The following MINDY3 variants were observed in gnomAD, a reference collection of about 807,000 sequenced individuals.
MINDY3 encodes the protein MINDY lysine 48 deubiquitinase 3.
In MINDY3, 38 loss-of-function variants were observed where a neutral mutation model predicts 69.2. That is an observed-to-expected ratio of 0.55 (90% confidence interval 0.42 to 0.72). The LOEUF (loss-of-function observed/expected upper bound fraction) is 0.72. Among genes scored for constraint, MINDY3 ranks in the 30% least tolerant of loss-of-function variants. The pLI is 0.00. For missense variants in MINDY3, 522 were observed against 519.0 expected (o/e 1.01, Z -0.06); for synonymous variants, 192 against 180.1 (o/e 1.07, Z -0.53).
In MINDY3 at chr10:15,789,324, G is replaced by A. The variant is rs771265507; in HGVS notation, c.956-5C>T. 1 of 1,607,200 alleles carries A rather than the reference G, an allele frequency of 6.2e-7. No individual in the cohort carries two copies. Among genetic ancestry groups the A allele is most frequent in the Non-Finnish European group, 8.5e-7 (1 of 1,175,202 alleles). The stretch of plus-strand genomic sequence containing the variant: ...AATCGGGTATGAATCCATTATCTAG[G>A]GGGGAAAAAATCAGAAACAACTTGA... On this transcript the variant is annotated splice_region_variant and splice_polypyrimidine_tract_variant and intron_variant, in intron 11 of 14. Coordinates refer to ENST00000277632, the MANE Select transcript of MINDY3 (RefSeq NM_024948.4).
At chr10:15,786,520 C>A (rs1043668231) in intron 13 of MINDY3, 41 bp downstream of exon 13, 7 of 1,169,290 alleles carry the variant, frequency 6.0e-6, no homozygotes, top group Non-Finnish European at 8.9e-6. Flanking sequence ...GGTAATCATC[C>A]CAACAGAATA....
chr10:15,790,147 C>T (rs1227913626), intron 11 of MINDY3, among the ~76,000 whole-genome samples: 1 of 151,980 alleles, frequency 6.6e-6, no homozygotes, highest in Non-Finnish European at 1.5e-5. Context: ...GTCCAAAAGC[C>T]CTGCTCCTAT....
At chr10:15,784,904 G>A (rs1031125842) in intron 13 of MINDY3, among the ~76,000 whole-genome samples, 9 of 152,070 alleles carry the variant, frequency 5.9e-5, no homozygotes, top group Non-Finnish European at 7.4e-5. Flanking sequence ...CTATGACACC[G>A]AGGGCGTCTG....
chr10:15,797,745 T>A (rs967774654), intron 10 of MINDY3, among the ~76,000 whole-genome samples: 1 of 152,158 alleles, frequency 6.6e-6, no homozygotes, highest in African/African-American at 2.4e-5. Flanking sequence ...AATTAACTCT[T>A]ATGCCAAAGC....
intron 11 of MINDY3, 96 bp downstream of exon 11, chr10:15,796,004 T>G (rs1837791116): frequency 3.3e-6 from 3 of 920,964 alleles, no homozygotes; most frequent in Admixed American, 2.0e-5. Context: ...TTTCATTAAA[T>G]AATCCAATAT....
intron 1 of MINDY3, among the ~76,000 whole-genome samples, chr10:15,848,550 C>G (rs182657781): frequency 7.4e-6 from 1 of 134,852 alleles, no homozygotes. Context: ...CGAAGAATGG[C>G]GTGAACCTAG....
chr10:15,834,171 A>G (rs940352750), intron 7 of MINDY3, among the ~76,000 whole-genome samples: 6 of 151,962 alleles, frequency 3.9e-5, no homozygotes, highest in Admixed American at 6.6e-5. Flanking sequence ...AAGCTTGAGG[A>G]GGGTGGTCCG....
intron 10 of MINDY3, among the ~76,000 whole-genome samples, chr10:15,816,284 A>AAAAAAAAAAAAAAAAAAAAAAC (rs1839363560): frequency 7.1e-6 from 1 of 140,758 alleles, no homozygotes; most frequent in African/African-American, 3.2e-5. Flanking sequence ...AAAAAAATGA[A>AAAAAAAAAAAAAAAAAAAAAAC]AAAGAAAAAA....
At chr10:15,847,808 A>C (rs1388677379) in intron 2 of MINDY3, 56 bp downstream of exon 2, 1 of 1,246,816 alleles carries the variant, frequency 8.0e-7, no homozygotes, top group African/African-American at 1.5e-5. Context: ...GAAAACGACA[A>C]GTATGAAACG....
At chr10:15,780,101 CAT>C (rs1479671122) in intron 14 of MINDY3, among the ~76,000 whole-genome samples, 7 of 152,248 alleles carry the variant, frequency 4.6e-5, no homozygotes, top group South Asian at 2.1e-4. Flanking sequence ...GGCTGATACA[CAT>C]GAGTGTAATT....
Position 15,860,334 on chromosome 10 carries a change from G to C in MINDY3, c.-35C>G. On this transcript the variant is annotated 5_prime_UTR_variant, in exon 1 of 15. Transcript: ENST00000277632. ...CCGGCGGGCGGATCTTCGCTTTGCG[G>C]ACTCCTGCCCCGGAACATGGGGAAG... 1 of 1,496,616 alleles carries C rather than the reference G, an allele frequency of 6.7e-7. No individual in the cohort carries two copies. The highest frequency in any genetic ancestry group is 9.2e-7 in the Non-Finnish European group (1 of 1,091,042). 92.7% of individuals were successfully genotyped at this position (1,496,616 alleles called of 1,614,324 possible). A position where few individuals can be genotyped will look rare whatever the true frequency, so the allele number is the denominator to read the frequency against.
intron 8 of MINDY3, among the ~76,000 whole-genome samples, chr10:15,825,725 T>C (rs1162420924): frequency 1.3e-5 from 2 of 152,260 alleles, no homozygotes; most frequent in Non-Finnish European, 2.9e-5. Context: ...ACAACATGTT[T>C]TGAAATATGT....
chr10:15,817,088 GT>G (rs1839426386), intron 9 of MINDY3, 173 bp from the exon 10 acceptor site: 1 of 594,214 alleles, frequency 1.7e-6, no homozygotes, highest in African/African-American at 1.9e-5. Context: ...AAAAATGAGT[GT>G]TAGAAGACTG....
intron 1 of MINDY3, among the ~76,000 whole-genome samples, chr10:15,851,848 T>C (rs1000310198): frequency 1.3e-5 from 2 of 152,128 alleles, no homozygotes; most frequent in African/African-American, 4.8e-5. Flanking sequence ...CAAACTCCTT[T>C]CTGTGGTCTA....
At chr10:15,848,462 G>A (rs1386020830) in intron 1 of MINDY3, among the ~76,000 whole-genome samples, 1 of 151,272 alleles carries the variant, frequency 6.6e-6, no homozygotes, top group Non-Finnish European at 1.5e-5. Context: ...ATGAAACCCC[G>A]TCTCTACTAA....
intron 8 of MINDY3, among the ~76,000 whole-genome samples, chr10:15,830,383 G>A (rs1329854077): frequency 6.6e-6 from 1 of 152,162 alleles, no homozygotes; most frequent in Non-Finnish European, 1.5e-5. Context: ...CATTCCCGTT[G>A]GAGGATGAGA....
At chr10:15,821,873 G>GTATTTATTAGGAGATAATGTCAAC (rs367872580) in intron 8 of MINDY3, 147 bp from the exon 9 acceptor site, 18,511 of 616,944 alleles carry the variant, frequency 0.03, 520 homozygotes, top group African/African-American at 0.11. Context: ...AACTTAGCAT[G>GTATTTATTAGGAGATAATGTCAAC]TAATCATTAC....
At chr10:15,858,184 A>G (rs1239083752) in intron 1 of MINDY3, among the ~76,000 whole-genome samples, 1 of 152,200 alleles carries the variant, frequency 6.6e-6, no homozygotes, top group Non-Finnish European at 1.5e-5. Flanking sequence ...TTGCCTTAAA[A>G]TCTTAATCAG....
chr10:15,784,819 G>A (rs1193859524), intron 13 of MINDY3, among the ~76,000 whole-genome samples: 1 of 152,158 alleles, frequency 6.6e-6, no homozygotes, highest in Non-Finnish European at 1.5e-5. Flanking sequence ...CAAAAGGAGT[G>A]TTGAGTCACT....
Sources: allele counts gnomAD v4.1 joint callset (sites outside exome capture counted in the v4.1 genomes callset), GRCh38; gene constraint gnomAD v4.1.1; transcripts MANE v1.5; gene names NCBI Gene and HGNC (gene_info 2026-07-23, HGNC 2026-07-21).